USP54: variants seen among roughly 807,000 people sequenced by gnomAD.
USP54 encodes ubiquitin specific peptidase 54.
Under a neutral mutation model 170.5 loss-of-function variants are expected in USP54, and 87 were observed. The observed-to-expected ratio is 0.51, with a 90% CI of 0.43 to 0.61. USP54 has a LOEUF of 0.61. USP54 is among the 20% of genes least tolerant of loss of function. The pLI is 0.00. For missense variants in USP54, 1,786 were observed against 2,047.8 expected (o/e 0.87, Z 2.47); for synonymous variants, 655 against 742.8 (o/e 0.88, Z 1.92).
chr10:73,619,342 C>G (rs943624917), intron 1 of USP54, among the ~76,000 whole-genome samples: 46 of 150,056 alleles, frequency 3.1e-4, no homozygotes, highest in Non-Finnish European at 7.4e-5. Context: ...ATCCTCTTGC[C>G]TCAGCCTCCT....
Position 73,516,903 on chromosome 10 carries a change from C to T in USP54, c.3523G>A (p.Gly1175Ser), listed in dbSNP as rs776205353. The stretch of plus-strand genomic sequence containing the variant: ...CATGGCCAGTGGCCTTTCTCTTGAC[C>T]CTGTGAGAAAGGAGGCTTAGAATCA... ...PSDSKPPFSQGQEKGHWPWAK... is the reference protein window; with the variant it reads ...PSDSKPPFSQSQEKGHWPWAK... The change falls in exon 20 of 24, where the codon GGT becomes AGT. Residue 1175 changes from glycine to serine, a missense_variant. Coordinates refer to ENST00000687698, the MANE Select transcript of USP54 (RefSeq NM_001391956.1). 2.1e-5 allele frequency: 34 copies of T among 1,614,062 alleles called. No homozygotes were observed. Among genetic ancestry groups the T allele is most frequent in the Non-Finnish European group, 2.8e-5 (33 of 1,180,048 alleles).
In USP54 at chr10:73,520,140, T is replaced by C. The variant is rs2061677699; in HGVS notation, c.2483-148A>G. The C allele has an allele frequency of 1.6e-5, 18 of 1,127,974 alleles. No homozygotes were observed. The Admixed American group carries it at 2.3e-4, about 14-fold the overall frequency. The allele number at this position is 1,127,974 out of a possible 1,614,324, so 69.9% of individuals were successfully genotyped here. A position where few individuals can be genotyped will look rare whatever the true frequency, so the allele number is the denominator to read the frequency against. On this transcript the variant is annotated intron_variant, in intron 18 of 23. Transcript: ENST00000687698. ...CAAGGCATGGACCATGCATATGCTG[T>C]CCAGGGCACACAGCTGCCTCTGGCT... is the stretch of plus-strand genomic sequence containing the variant.
intron 2 of USP54, 56 bp downstream of exon 2, chr10:73,575,742 A>T: frequency 7.0e-7 from 1 of 1,436,028 alleles, no homozygotes; most frequent in Non-Finnish European, 9.2e-7. Context: ...AAGTTCTAAA[A>T]GGAAAGGGAA....
At chr10:73,520,239 C>T (rs1564672517) in intron 18 of USP54, among the ~76,000 whole-genome samples, 1 of 152,156 alleles carries the variant, frequency 6.6e-6, no homozygotes, top group Non-Finnish European at 1.5e-5. Flanking sequence ...TAAAATAAAT[C>T]AAGAAGATAA....
At chr10:73,531,842 A>AT (rs1264002643) in intron 12 of USP54, among the ~76,000 whole-genome samples, 1 of 152,214 alleles carries the variant, frequency 6.6e-6, no homozygotes, top group African/African-American at 2.4e-5. Flanking sequence ...ATACATGAGC[A>AT]TGATTTGATG....
At chr10:73,521,059 C>A in intron 17 of USP54, 32 bp from the exon 18 acceptor site, 1 of 1,611,040 alleles carries the variant, frequency 6.2e-7, no homozygotes, top group Non-Finnish European at 8.5e-7. Flanking sequence ...ATTTTCATTA[C>A]AATTCATTCC....
In USP54 at chr10:73,545,665, A is replaced by G; in HGVS notation, c.248T>C (p.Phe83Ser). The G allele has an allele frequency of 6.2e-7, 1 of 1,614,132 alleles. No homozygotes were observed. Among genetic ancestry groups the G allele is most frequent in the Non-Finnish European group, 8.5e-7 (1 of 1,179,962 alleles). ...TTCACTACTACACTGAAACTGGTTA[A>G]AGATTCCCTATAGGGAAGAGGTTAG... ...SCIFCALKGI[F>S]NQFQCSSEKV... Residue 83 changes from phenylalanine to serine, a missense_variant, in exon 5 of 24, where the codon TTT (phenylalanine) becomes TCT (serine). By Grantham distance (155) the Phe-to-Ser change is radical (BLOSUM62 -2). Around this residue, in one of 3 missense-constraint regions of USP54, gnomAD observed 361 missense variants for 455.0 expected, o/e 0.79. Coordinates refer to ENST00000687698, the MANE Select transcript of USP54 (RefSeq NM_001391956.1).
upstream of USP54, among the ~76,000 whole-genome samples, chr10:73,594,205 G>T (rs564025205): frequency 2.0e-5 from 3 of 151,976 alleles, no homozygotes; most frequent in African/African-American, 4.8e-5. Context: ...TCAGTAGCTG[G>T]GATTACAGGT....
chr10:73,624,568 T>C (rs1250271306), intron 1 of USP54: 2 of 152,120 alleles, frequency 1.3e-5, no homozygotes, highest in African/African-American at 4.8e-5. Context: ...TCCAGTTATA[T>C]AATCACAAGA....
chr10:73,542,055 C>G (rs1004723020), intron 7 of USP54, among the ~76,000 whole-genome samples: 9 of 152,158 alleles, frequency 5.9e-5, no homozygotes, highest in Admixed American at 2.6e-4. Context: ...CAATATAGCA[C>G]AGATTCAGCA....
chr10:73,521,074 T>G (rs746419622), intron 17 of USP54, 47 bp from the exon 18 acceptor site: 9 of 1,608,758 alleles, frequency 5.6e-6, no homozygotes, highest in African/African-American at 2.7e-5. Context: ...CATTCCAAAT[T>G]TTCCTGTGTA....
chr10:73,529,582 G>C, intron 15 of USP54, 98 bp downstream of exon 15: 2 of 1,328,238 alleles, frequency 1.5e-6, no homozygotes, highest in Non-Finnish European at 2.2e-6. Context: ...AATAGCAAAG[G>C]CCATCCCTCC....
chr10:73,528,657 C>T (rs2063422715), intron 15 of USP54, among the ~76,000 whole-genome samples: 1 of 151,876 alleles, frequency 6.6e-6, no homozygotes, highest in Non-Finnish European at 1.5e-5. Context: ...ACCACCTCCA[C>T]CTCCTGGATT....
intron 4 of USP54, among the ~76,000 whole-genome samples, chr10:73,548,319 T>C (rs755287827): frequency 3.1e-4 from 47 of 152,196 alleles, no homozygotes; most frequent in Non-Finnish European, 2.5e-4. Flanking sequence ...GAAGACAGCG[T>C]GGCAATTCCT....
chr10:73,499,317 A>G, intron 23 of USP54, 129 bp from the exon 24 acceptor site: 1 of 941,908 alleles, frequency 1.1e-6, no homozygotes, highest in East Asian at 2.4e-5. Flanking sequence ...GGAAAGAATG[A>G]ATCAAGCTGT....
intron 1 of USP54, among the ~76,000 whole-genome samples, chr10:73,583,577 C>T (rs533406450): frequency 6.6e-6 from 1 of 152,106 alleles, no homozygotes; most frequent in African/African-American, 2.4e-5. Flanking sequence ...TGAGCCACTG[C>T]ACCTGGCCAA....
rs1190434140 is a variant in USP54, at chr10:73,610,010, C to CA, written c.-18+15556dup. On this transcript the variant is annotated intron_variant, in intron 1 of 22. Transcript: ENST00000339859. The stretch of plus-strand genomic sequence containing the variant: ...TGGTGATAGAGCAAGACTCTGTCTC[C>CA]AAAAAAAAAAAAAAAAAATTAGCCA... 8.0e-3 allele frequency among the ~76,000 whole-genome samples: 665 copies of CA among 82,672 alleles called. 2 individuals are homozygous for CA. Among genetic ancestry groups the CA allele is most frequent in the Non-Finnish European group, 9.2e-3 (362 of 39,454 alleles). 54.2% of individuals were successfully genotyped at this position (82,672 alleles called of 152,430 possible).
At chr10:73,597,137 A>T (rs7068180) in intron 1 of USP54, among the ~76,000 whole-genome samples, 7,821 of 152,224 alleles carry the variant, frequency 0.051, 616 homozygotes, top group African/African-American at 0.17. Context: ...TCTAACTTCC[A>T]AGCTGTCCTT....
chr10:73,558,972 A>G (rs2072013990), intron 4 of USP54, among the ~76,000 whole-genome samples: 1 of 152,132 alleles, frequency 6.6e-6, no homozygotes, highest in African/African-American at 2.4e-5. Flanking sequence ...GTTTTTTCAA[A>G]TTGTCACAAA....
Sources: allele counts gnomAD v4.1 joint callset (sites outside exome capture counted in the v4.1 genomes callset), GRCh38; gene constraint gnomAD v4.1.1; regional missense constraint gnomAD v4.1.1; transcripts MANE v1.5; gene names NCBI Gene and HGNC (gene_info 2026-07-23, HGNC 2026-07-21).